Variants in NRG1 observed in about 807,000 individuals in gnomAD.
NRG1 encodes neuregulin 1, also known as pro-neuregulin-1, membrane-bound isoform.
A neutral mutation model predicts 63.8 loss-of-function variants in NRG1; 18 were observed. That is an observed-to-expected ratio of 0.28 (90% CI 0.19 to 0.42). The LOEUF is 0.42. Among genes scored for constraint, NRG1 ranks in the 10% least tolerant of loss-of-function variants. The pLI is 1.00. For missense variants in NRG1, 762 were observed against 814.7 expected (o/e 0.94, Z 0.79); for synonymous variants, 302 against 301.3 (o/e 1.00, Z -0.02).
intron 1 of NRG1, among the ~76,000 whole-genome samples, chr8:31,867,979 A>C (rs754565754): frequency 6.6e-6 from 1 of 152,126 alleles, no homozygotes; most frequent in Non-Finnish European, 1.5e-5. Flanking sequence ...AATTGGTTTA[A>C]GATATTGCCT....
At chr8:32,433,700 C>T (rs1468997785) in intron 1 of NRG1, among the ~76,000 whole-genome samples, 2 of 152,232 alleles carry the variant, frequency 1.3e-5, no homozygotes, top group African/African-American at 2.4e-5. Context: ...CTCATCTATG[C>T]AGCTCTAAAT....
intron 1 of NRG1, among the ~76,000 whole-genome samples, chr8:31,895,247 T>G (rs909845374): frequency 6.6e-6 from 1 of 152,238 alleles, no homozygotes; most frequent in African/African-American, 2.4e-5. Flanking sequence ...CTAAGGACCT[T>G]ACAGCTAAAG....
intron 1 of NRG1, among the ~76,000 whole-genome samples, chr8:32,388,934 C>G (rs1811369527): frequency 6.6e-6 from 1 of 152,138 alleles, no homozygotes; most frequent in Admixed American, 6.5e-5. Flanking sequence ...TAGGGGCATC[C>G]TTTTGTATTA....
intron 1 of NRG1, among the ~76,000 whole-genome samples, chr8:32,032,303 C>G (rs1818380159): frequency 6.6e-6 from 1 of 151,582 alleles, no homozygotes; most frequent in Non-Finnish European, 1.5e-5. Flanking sequence ...CAGTGTCGTT[C>G]AGGCTGGAGT....
chr8:32,017,951 C>A (rs894293415), intron 1 of NRG1, among the ~76,000 whole-genome samples: 1 of 152,162 alleles, frequency 6.6e-6, no homozygotes, highest in African/African-American at 2.4e-5. Context: ...CTGAAAATCC[C>A]AACCTTCTAA....
At chr8:32,588,404 A>G (rs1403163549) in intron 1 of NRG1, among the ~76,000 whole-genome samples, 2 of 152,162 alleles carry the variant, frequency 1.3e-5, no homozygotes, top group African/African-American at 4.8e-5. Flanking sequence ...GTTAATTGTG[A>G]GAAGTGAAAC....
intron 5 of NRG1, among the ~76,000 whole-genome samples, chr8:32,631,898 C>T (rs1850384114): frequency 6.6e-6 from 1 of 152,060 alleles, no homozygotes; most frequent in South Asian, 2.1e-4. Context: ...GGTGGACACA[C>T]TTGTTCTTAA....
At chr8:31,717,274 G>C (rs1812443625) in intron 1 of NRG1, among the ~76,000 whole-genome samples, 1 of 151,886 alleles carries the variant, frequency 6.6e-6, no homozygotes, top group Admixed American at 6.6e-5. Flanking sequence ...GAGTGTGATG[G>C]TGCACACCTG....
At chr8:31,971,145 ATTGTT>A (rs1177440630) in intron 1 of NRG1, among the ~76,000 whole-genome samples, 1 of 151,682 alleles carries the variant, frequency 6.6e-6, no homozygotes, top group Non-Finnish European at 1.5e-5. Flanking sequence ...TAGTGTCCTT[ATTGTT>A]TTAAGACTTC....
At chr8:31,814,473 A>G (rs28537866) in intron 1 of NRG1, among the ~76,000 whole-genome samples, 5,343 of 152,242 alleles carry the variant, frequency 0.035, 351 homozygotes, top group African/African-American at 0.12. Flanking sequence ...TAATGCATGT[A>G]AAAGCATTTA....
At chr8:31,938,605 G>T (rs1207931518) in intron 1 of NRG1, among the ~76,000 whole-genome samples, 1 of 152,132 alleles carries the variant, frequency 6.6e-6, no homozygotes, top group Non-Finnish European at 1.5e-5. Flanking sequence ...TGGTTATTAA[G>T]CTCATCAAGG....
Position 31,821,019 on chromosome 8 carries a change from T to A in NRG1, c.37+181588T>A, listed in dbSNP as rs531566639. On this transcript the variant is annotated intron_variant, in intron 1 of 10. Transcript: ENST00000519301. ...GATATAAAATGGCATAGTATTTGCATGTAATCTAGCCCACTTTCCTGTATA... is the reference window on the plus strand; with the variant it reads ...GATATAAAATGGCATAGTATTTGCAAGTAATCTAGCCCACTTTCCTGTATA... 1.4e-3 allele frequency among the ~76,000 whole-genome samples: 210 copies of A among 152,332 alleles called. 2 individuals carry two copies. Among genetic ancestry groups the A allele is most frequent in the African/African-American group, 4.9e-3 (204 of 41,566 alleles).
At chr8:32,000,277 C>T (rs1023336494) in intron 1 of NRG1, among the ~76,000 whole-genome samples, 3 of 151,866 alleles carry the variant, frequency 2.0e-5, no homozygotes, top group African/African-American at 7.2e-5. Context: ...TTACATGTAT[C>T]CAGAGTTGTT....
intron 1 of NRG1, chr8:32,440,734 T>C (rs1819431051): frequency 6.6e-6 from 1 of 152,152 alleles, no homozygotes; most frequent in Non-Finnish European, 1.5e-5. Context: ...AGACTGTGAC[T>C]CAGTGAACCA....
intron 1 of NRG1, among the ~76,000 whole-genome samples, chr8:32,054,859 C>CTTTT (rs1425879994): frequency 2.8e-5 from 2 of 70,660 alleles, no homozygotes; most frequent in African/African-American, 5.6e-5. Flanking sequence ...AGATTTCTTT[C>CTTTT]TTTCTTTTTT....
chr8:32,748,525 T>G (rs973807158), intron 7 of NRG1, among the ~76,000 whole-genome samples: 2 of 152,144 alleles, frequency 1.3e-5, no homozygotes, highest in Non-Finnish European at 2.9e-5. Context: ...TTTCCCCCAC[T>G]TCCTCAATGG....
intron 1 of NRG1, among the ~76,000 whole-genome samples, chr8:31,654,589 C>A (rs1484368237): frequency 6.6e-6 from 1 of 152,194 alleles, no homozygotes; most frequent in Non-Finnish European, 1.5e-5. Flanking sequence ...GTCTTGCTCA[C>A]AGGTCAATAA....
Position 32,337,719 on chromosome 8 carries a change from A to ATT in NRG1, c.38-258109_38-258108insTT, listed in dbSNP as rs2129478063. On this transcript the variant is annotated intron_variant, in intron 1 of 10. Transcript: ENST00000519301. ...TAGGAAAGGGAAGCCTGAGCTATTAAGAAAAACACATTGCTTCTTACATGG... is the reference window on the plus strand; with the variant it reads ...TAGGAAAGGGAAGCCTGAGCTATTAATTGAAAAACACATTGCTTCTTACATGG... Among the ~76,000 whole-genome samples the ATT allele has an allele frequency of 2.1e-5, 2 of 93,440 alleles. 1 individual carries two copies. The highest frequency in any genetic ancestry group is 8.4e-4 in the South Asian group (2 of 2,370). 61.3% of individuals were successfully genotyped at this position (93,440 alleles called of 152,430 possible). A position where few individuals can be genotyped will look rare whatever the true frequency, so the allele number is the denominator to read the frequency against.
chr8:32,763,667 C>T (rs1338643157), intron 11 of NRG1, 81 bp from the exon 12 acceptor site: 21 of 1,336,200 alleles, frequency 1.6e-5, no homozygotes, highest in African/African-American at 8.8e-5. Context: ...GATATAATAC[C>T]GTGAACTCTG....
Sources: allele counts gnomAD v4.1 joint callset (sites outside exome capture counted in the v4.1 genomes callset), GRCh38; gene constraint gnomAD v4.1.1; transcripts MANE v1.5; gene names NCBI Gene and HGNC (gene_info 2026-07-23, HGNC 2026-07-21).